The following GNA14 variants were observed in gnomAD, a reference collection of about 807,000 sequenced individuals.
The protein encoded by GNA14 is guanine nucleotide-binding protein subunit alpha-14.
GNA14 carries 50 observed loss-of-function variants against 42.0 expected under a neutral mutation model. The observed-to-expected ratio is 1.19, with a 90% CI of 0.95 to 1.51. The LOEUF is 1.51. Among genes scored for constraint, GNA14 ranks in the 40% most tolerant of loss-of-function variants. The probability of loss-of-function intolerance (pLI) is 0.00; values close to 1 mark genes in which losing one functional copy is unlikely to be tolerated. For synonymous variants in GNA14, 173 were observed against 163.1 expected, an observed-to-expected ratio of 1.06 and a Z score of -0.46; for missense variants, 473 against 446.2, an observed-to-expected ratio of 1.06 and a Z score of -0.54.
rs553040189 is a variant in GNA14, at chr9:77,635,640, G to A, written c.124+12030C>T. ...GTCCATATAAATTAACATTTTTGAG[G>A]GTGAAATGCCTTTGCATTGATGTGT... On this transcript the variant is annotated intron_variant, in intron 1 of 6. Coordinates refer to ENST00000341700, the MANE Select transcript of GNA14 (RefSeq NM_004297.4). 3.9e-5 allele frequency among the ~76,000 whole-genome samples: 6 copies of A among 152,148 alleles called. No individual in the cohort carries two copies. In the South Asian group the frequency reaches 6.2e-4, roughly 16 times the overall value.
At chr9:77,628,926 G>C (rs553076988) in intron 1 of GNA14, among the ~76,000 whole-genome samples, 78 of 152,212 alleles carry the variant, frequency 5.1e-4, no homozygotes, top group African/African-American at 1.8e-3. Context: ...CACAACAAAA[G>C]AAACTATCAT....
intron 2 of GNA14, among the ~76,000 whole-genome samples, chr9:77,466,867 G>A (rs1318398881): frequency 6.6e-6 from 1 of 152,110 alleles, no homozygotes; most frequent in Non-Finnish European, 1.5e-5. Flanking sequence ...TGGAGCCTCT[G>A]AAGTCTCTGC....
At chr9:77,576,406 G>A (rs1288591075) in intron 1 of GNA14, among the ~76,000 whole-genome samples, 3 of 152,052 alleles carry the variant, frequency 2.0e-5, no homozygotes, top group South Asian at 2.1e-4. Context: ...CTAAAAAATC[G>A]AAAGCATAGT....
chr9:77,426,594 G>A (rs770022668), intron 5 of GNA14, among the ~76,000 whole-genome samples: 81 of 152,160 alleles, frequency 5.3e-4, no homozygotes, highest in Middle Eastern at 3.2e-3. Context: ...ATGAGCCACC[G>A]CGCCTGGCCT....
chr9:77,477,786 G>T (rs544077110), intron 2 of GNA14, among the ~76,000 whole-genome samples: 4 of 152,204 alleles, frequency 2.6e-5, no homozygotes, highest in Non-Finnish European at 4.4e-5. Context: ...AAAAATCTTG[G>T]AAACAAGAAC....
At chr9:77,527,554 C>T (rs1268363031) in intron 2 of GNA14, among the ~76,000 whole-genome samples, 2 of 152,200 alleles carry the variant, frequency 1.3e-5, no homozygotes, top group African/African-American at 4.8e-5. Flanking sequence ...TGGCTCAAAA[C>T]AATTCTTCCA....
At chr9:77,473,295 A>G (rs971455816) in intron 2 of GNA14, among the ~76,000 whole-genome samples, 7 of 152,116 alleles carry the variant, frequency 4.6e-5, no homozygotes, top group African/African-American at 1.7e-4. Context: ...CATCTCTACA[A>G]AAAATACAAA....
At chr9:77,483,424 C>T (rs554928960) in intron 2 of GNA14, among the ~76,000 whole-genome samples, 24 of 152,128 alleles carry the variant, frequency 1.6e-4, no homozygotes, top group Non-Finnish European at 2.9e-4. Flanking sequence ...CTGATCGTTC[C>T]TCTGGAAGTT....
chr9:77,617,925 C>A (rs1225753876), intron 1 of GNA14, among the ~76,000 whole-genome samples: 1 of 152,024 alleles, frequency 6.6e-6, no homozygotes, highest in East Asian at 1.9e-4. Context: ...ATTAGGCCCA[C>A]CAGTTCCCAG....
At chr9:77,494,143 G>A (rs760232464) in intron 2 of GNA14, among the ~76,000 whole-genome samples, 1 of 151,826 alleles carries the variant, frequency 6.6e-6, no homozygotes. Flanking sequence ...TGCTGGTCTC[G>A]AACTCCTAAG....
At chr9:77,538,842 T>G (rs1207735268) in intron 1 of GNA14, among the ~76,000 whole-genome samples, 1 of 152,216 alleles carries the variant, frequency 6.6e-6, no homozygotes, top group Non-Finnish European at 1.5e-5. Context: ...GTCTTTAGGT[T>G]TTCCTAGGTA....
At chr9:77,480,063 C>A (rs962957938) in intron 2 of GNA14, among the ~76,000 whole-genome samples, 24 of 152,200 alleles carry the variant, frequency 1.6e-4, no homozygotes, top group African/African-American at 5.1e-4. Flanking sequence ...GCCTGATTGC[C>A]CTGGCCAGAA....
rs1029207549 is a variant in GNA14, at chr9:77,460,318, C to T, written c.310-25796G>A. Among the ~76,000 whole-genome samples the T allele has an allele frequency of 9.2e-5, 14 of 152,240 alleles. 1 individual carries two copies. Among genetic ancestry groups the T allele is most frequent in the Middle Eastern group, 6.8e-3 (2 of 294 alleles). Reference sequence around the variant, plus strand: ...GAAGCTGAGATTGCAGTGTTGTGTCCGCAAGCCGAGGAACACCAAGGGTTG... The same window carrying T: ...GAAGCTGAGATTGCAGTGTTGTGTCTGCAAGCCGAGGAACACCAAGGGTTG... On this transcript the variant is annotated intron_variant, in intron 2 of 6. Coordinates refer to ENST00000341700, the MANE Select transcript of GNA14 (RefSeq NM_004297.4).
chr9:77,485,867 C>T (rs1836651260), intron 2 of GNA14, among the ~76,000 whole-genome samples: 1 of 152,154 alleles, frequency 6.6e-6, no homozygotes, highest in African/African-American at 2.4e-5. Flanking sequence ...TACAGATGGG[C>T]TGTCATCCAG....
intron 1 of GNA14, among the ~76,000 whole-genome samples, chr9:77,581,002 G>GCACACACACA (rs3052394): frequency 2.9e-4 from 42 of 144,398 alleles, no homozygotes; most frequent in African/African-American, 1.0e-3. Context: ...TACAATAAAG[G>GCACACACACA]CACACACACA....
chr9:77,525,382 A>C (rs1837417533), intron 2 of GNA14, among the ~76,000 whole-genome samples: 1 of 152,146 alleles, frequency 6.6e-6, no homozygotes, highest in Non-Finnish European at 1.5e-5. Context: ...TTTAGCATTC[A>C]GTTCATCCCA....
In GNA14 at chr9:77,446,443, G is replaced by A. The variant is rs183965719; in HGVS notation, c.310-11921C>T. Among the ~76,000 whole-genome samples the A allele has an allele frequency of 2.0e-4, 31 of 152,288 alleles. 1 individual carries two copies. The highest frequency in any genetic ancestry group is 3.5e-4 in the Non-Finnish European group (24 of 68,022). On this transcript the variant is annotated intron_variant, in intron 2 of 6. Transcript: ENST00000341700. ...GTACATCCTATTTTGCTTTCTTCCT[G>A]GGCTCGCGAGTCATGCTGTGTCTCT...
At chr9:77,623,635 T>C (rs1587852091) in intron 1 of GNA14, among the ~76,000 whole-genome samples, 1 of 151,998 alleles carries the variant, frequency 6.6e-6, no homozygotes, top group African/African-American at 2.4e-5. Context: ...CAAAGCAGGG[T>C]GGGGCGTTGC....
chr9:77,436,734 G>T (rs909042284), intron 2 of GNA14, among the ~76,000 whole-genome samples: 4 of 152,202 alleles, frequency 2.6e-5, no homozygotes, highest in Admixed American at 6.5e-5. Context: ...AATGTCATGA[G>T]GGCAGAACCA....
Sources: gnomAD v4.1 joint callset for allele counts (sites outside exome capture counted in the v4.1 genomes callset) on GRCh38, gnomAD v4.1.1 for gene constraint, MANE v1.5 for transcripts, NCBI Gene and HGNC (gene_info 2026-07-23, HGNC 2026-07-21) for gene names.